Variants in USH2A observed in about 807,000 individuals in gnomAD.
The protein encoded by USH2A is Usher syndrome 2A (autosomal recessive, mild).
In USH2A, 443 loss-of-function variants were observed where a neutral mutation model predicts 538.9. That is an observed-to-expected ratio of 0.82 (90% CI 0.76 to 0.89). The LOEUF (loss-of-function observed/expected upper bound fraction) is 0.89, where lower values mean the gene tolerates loss of function less well. Among genes scored for constraint, USH2A ranks in the 40% least tolerant of loss-of-function variants. The pLI is 0.00. For missense variants in USH2A, 6,633 were observed against 6,324.8 expected, an observed-to-expected ratio of 1.05 and a Z score of -1.65; for synonymous variants, 2,413 against 2,273.5, an observed-to-expected ratio of 1.06 and a Z score of -1.75.
At chr1:215,933,522 T>C (rs1666413695) in intron 38 of USH2A, among the ~76,000 whole-genome samples, 1 of 152,084 alleles carries the variant, frequency 6.6e-6, no homozygotes, top group Admixed American at 6.6e-5. Flanking sequence ...AATTCATTAA[T>C]TTTAATAATG....
At chr1:216,035,214 T>G (rs942345077) in intron 32 of USH2A, among the ~76,000 whole-genome samples, 4 of 152,162 alleles carry the variant, frequency 2.6e-5, no homozygotes, top group African/African-American at 9.7e-5. Flanking sequence ...TATGTTGAAG[T>G]CCTAGCCTCT....
chr1:215,838,200 C>T (rs1229327428), intron 46 of USH2A, 97 bp from the exon 47 acceptor site: 11 of 978,954 alleles, frequency 1.1e-5, no homozygotes, highest in Non-Finnish European at 1.5e-5. Context: ...ACATGAATCT[C>T]TTGTATTTCT....
At chr1:215,722,980 A>T (rs1249469555) in intron 61 of USH2A, among the ~76,000 whole-genome samples, 3 of 152,146 alleles carry the variant, frequency 2.0e-5, no homozygotes, top group African/African-American at 7.2e-5. Flanking sequence ...CCTTGCCAGG[A>T]GTGTTCCCTG....
intron 4 of USH2A, among the ~76,000 whole-genome samples, chr1:216,331,208 T>C (rs2037855985): frequency 6.6e-6 from 1 of 152,126 alleles, no homozygotes; most frequent in African/African-American, 2.4e-5. Context: ...AGGACAGCCA[T>C]AGAAATAAAT....
At chr1:215,824,268 T>A (rs938651738) in intron 47 of USH2A, among the ~76,000 whole-genome samples, 3 of 152,158 alleles carry the variant, frequency 2.0e-5, no homozygotes, top group African/African-American at 7.2e-5. Context: ...ATTGAAGGAT[T>A]AGTTATTTAT....
intron 9 of USH2A, among the ~76,000 whole-genome samples, chr1:216,306,208 T>A (rs2203190): frequency 0.41 from 57,235 of 140,808 alleles, 11,708 homozygotes; most frequent in African/African-American, 0.56. Context: ...GTTCATTTAA[T>A]TTTTTTTTTT....
intron 3 of USH2A, among the ~76,000 whole-genome samples, chr1:216,417,197 T>C (rs1451637540): frequency 1.3e-5 from 2 of 151,104 alleles, no homozygotes; most frequent in Non-Finnish European, 2.9e-5. Flanking sequence ...TCTTAGTATC[T>C]GAAAGCCAAA....
At chr1:215,639,290 T>C (rs1169490918) in intron 68 of USH2A, 52 bp from the exon 69 acceptor site, 3 of 1,559,284 alleles carry the variant, frequency 1.9e-6, no homozygotes, top group South Asian at 1.1e-5. Flanking sequence ...CACCTACAAA[T>C]AGGGCACATG....
intron 11 of USH2A, among the ~76,000 whole-genome samples, chr1:216,259,788 AT>A (rs1340643461): frequency 2.0e-5 from 3 of 152,120 alleles, no homozygotes; most frequent in Non-Finnish European, 4.4e-5. Flanking sequence ...AAGCACATGT[AT>A]TTTCCTCTTT....
chr1:215,942,235 C>T (rs1004648638), intron 37 of USH2A, among the ~76,000 whole-genome samples: 7 of 152,152 alleles, frequency 4.6e-5, no homozygotes, highest in Admixed American at 3.9e-4. Flanking sequence ...GGCGTTCACC[C>T]TCATTTCTTC....
intron 30 of USH2A, among the ~76,000 whole-genome samples, chr1:216,054,127 G>T (rs770001657): frequency 1.4e-4 from 22 of 152,136 alleles, no homozygotes; most frequent in Non-Finnish European, 2.1e-4. Context: ...TATTAGTATG[G>T]TTTACCAAAA....
intron 20 of USH2A, among the ~76,000 whole-genome samples, chr1:216,188,180 CATCT>C: frequency 6.9e-6 from 1 of 144,532 alleles, no homozygotes; most frequent in African/African-American, 2.9e-5. Flanking sequence ...CCAGGTACAT[CATCT>C]TTTACGCAAC....
At chr1:215,996,473 A>T (rs1480212631) in intron 34 of USH2A, among the ~76,000 whole-genome samples, 1 of 134,632 alleles carries the variant, frequency 7.4e-6, no homozygotes, top group Admixed American at 7.8e-5. Context: ...TCTTTATTTT[A>T]TTTTTAACAT....
chr1:216,126,126 G>T (rs2033247164), intron 21 of USH2A, among the ~76,000 whole-genome samples: 1 of 152,118 alleles, frequency 6.6e-6, no homozygotes, highest in Non-Finnish European at 1.5e-5. Flanking sequence ...GACTGCTTGG[G>T]GTCTCACATG....
intron 11 of USH2A, among the ~76,000 whole-genome samples, chr1:216,274,705 CTGTT>C (rs1297863974): frequency 1.3e-5 from 2 of 152,020 alleles, no homozygotes; most frequent in African/African-American, 4.8e-5. Context: ...TGTGATACTT[CTGTT>C]TATCATCTTG....
intron 55 of USH2A, among the ~76,000 whole-genome samples, chr1:215,773,512 GTC>G (rs939463487): frequency 1.4e-3 from 132 of 93,892 alleles, no homozygotes; most frequent in Non-Finnish European, 1.6e-3. Flanking sequence ...CTCTCTCTCT[GTC>G]TCTCTCTCTC....
At chr1:216,352,644 C>T (rs953124129) in intron 4 of USH2A, among the ~76,000 whole-genome samples, 23 of 151,988 alleles carry the variant, frequency 1.5e-4, no homozygotes, top group Admixed American at 5.9e-4. Context: ...AATAATTTTT[C>T]ATGGAAAAAT....
At chr1:215,875,792 C>A (rs1664745849) in intron 43 of USH2A, among the ~76,000 whole-genome samples, 1 of 149,852 alleles carries the variant, frequency 6.7e-6, no homozygotes, top group African/African-American at 2.4e-5. Flanking sequence ...CAGGAAGCTA[C>A]TATTTGAAGT....
intron 11 of USH2A, among the ~76,000 whole-genome samples, chr1:216,270,163 G>T (rs2036548601): frequency 6.6e-6 from 1 of 152,012 alleles, no homozygotes; most frequent in Non-Finnish European, 1.5e-5. Flanking sequence ...GTCTTTCTAT[G>T]CACTCATCTG....
Sources: gnomAD v4.1 joint callset for allele counts (sites outside exome capture counted in the v4.1 genomes callset) on GRCh38, gnomAD v4.1.1 for gene constraint, MANE v1.5 for transcripts, NCBI Gene and HGNC (gene_info 2026-07-23, HGNC 2026-07-21) for gene names.